Variants in AP3D1 observed in about 807,000 individuals in gnomAD.
The protein encoded by AP3D1 is adaptor related protein complex 3 subunit delta 1.
A neutral mutation model predicts 147.6 loss-of-function variants in AP3D1; 51 were observed. The ratio of observed to expected loss-of-function variants is 0.35; its 90% confidence interval spans 0.28 to 0.44. AP3D1 has a LOEUF of 0.44. Among genes scored for constraint, AP3D1 ranks in the 20% least tolerant of loss-of-function variants. The pLI, the probability that AP3D1 is intolerant of heterozygous loss-of-function variation, is 1.00. For missense variants in AP3D1, 1,421 were observed against 1,624.2 expected (o/e 0.87, Z 2.15); for synonymous variants, 760 against 663.0 (o/e 1.15, Z -2.25).
At chr19:2,164,336 C>T (rs1225724950) in intron 1 of AP3D1, 10 of 1,075,192 alleles carry the variant, frequency 9.3e-6, no homozygotes, top group East Asian at 3.4e-5. Context: ...ACACCCCAAA[C>T]CCCCCCAAGC....
chr19:2,107,202 G>A (rs2018134227), intron 31 of AP3D1, among the ~76,000 whole-genome samples: 1 of 151,712 alleles, frequency 6.6e-6, no homozygotes, highest in African/African-American at 2.4e-5. Context: ...GGAGCTTGCA[G>A]TGAGCCGAGA....
chr19:2,109,438 C>T (rs1241935815), intron 29 of AP3D1: 1 of 552,520 alleles, frequency 1.8e-6, no homozygotes, highest in Non-Finnish European at 3.1e-6. Context: ...GTGCCTGAAG[C>T]CATGGGATGG....
intron 31 of AP3D1, among the ~76,000 whole-genome samples, chr19:2,106,002 C>T (rs2018101305): frequency 6.6e-6 from 1 of 152,056 alleles, no homozygotes; most frequent in Non-Finnish European, 1.5e-5. Context: ...GAGGCTGAGG[C>T]AGGAGAATCG....
chr19:2,111,203 G>A, intron 26 of AP3D1, 82 bp downstream of exon 26: 3 of 1,540,424 alleles, frequency 1.9e-6, no homozygotes, highest in Non-Finnish European at 2.7e-6. Context: ...CGGGAGCTGT[G>A]GGGGCTGCCC....
chr19:2,111,086 C>T, intron 26 of AP3D1, 190 bp from the exon 27 acceptor site: 1 of 915,920 alleles, frequency 1.1e-6, no homozygotes, highest in Non-Finnish European at 1.6e-6. Context: ...CGGGGACCCT[C>T]CTGCCAGTCC....
intron 31 of AP3D1, among the ~76,000 whole-genome samples, chr19:2,105,639 T>C (rs2018089555): frequency 6.6e-6 from 1 of 152,190 alleles, no homozygotes; most frequent in African/African-American, 2.4e-5. Flanking sequence ...GTGAGATCCC[T>C]GATTTCCCAC....
At chr19:2,152,021 C>T (rs2019543147), upstream of AP3D1, among the ~76,000 whole-genome samples, 1 of 152,204 alleles carries the variant, frequency 6.6e-6, no homozygotes, top group Admixed American at 6.5e-5. Context: ...TCCTGTGGTT[C>T]CCGCAGCCTC....
At chr19:2,140,827 C>T (rs1234220024) in intron 1 of AP3D1, among the ~76,000 whole-genome samples, 2 of 144,250 alleles carry the variant, frequency 1.4e-5, no homozygotes, top group Admixed American at 1.5e-4. Context: ...GGCACAATCT[C>T]GGCTCACTGC....
chr19:2,151,731 CCCG>C (rs2019524241), upstream of AP3D1, among the ~76,000 whole-genome samples: 2 of 152,248 alleles, frequency 1.3e-5, no homozygotes, highest in Non-Finnish European at 2.9e-5. Flanking sequence ...TGCGCGCGGC[CCCG>C]CCTTTTCCGG....
At chr19:2,109,549 G>C (rs2018206256) in intron 29 of AP3D1, 1 of 487,354 alleles carries the variant, frequency 2.1e-6, no homozygotes, top group South Asian at 2.7e-5. Context: ...CAGGGGGGAG[G>C]GGGTGCCGCA....
chr19:2,123,208 A>T, intron 11 of AP3D1, 150 bp downstream of exon 11: 1 of 807,568 alleles, frequency 1.2e-6, no homozygotes, highest in Non-Finnish European at 2.0e-6. Context: ...GGGCACTGGC[A>T]GAGGGCTGCC....
chr19:2,149,612 C>T (rs1171608980), intron 1 of AP3D1, among the ~76,000 whole-genome samples: 6 of 151,786 alleles, frequency 4.0e-5, no homozygotes, highest in Non-Finnish European at 7.4e-5. Context: ...GGGGAAGGCG[C>T]TATCAACTCA....
intron 20 of AP3D1, 138 bp from the exon 21 acceptor site, chr19:2,114,959 C>T (rs572194751): frequency 7.1e-6 from 7 of 988,614 alleles, no homozygotes; most frequent in Admixed American, 4.1e-5. Context: ...CCAGAGGCTC[C>T]GCTCAGCGTC....
In AP3D1 at chr19:2,151,455, C is replaced by G. The variant is rs1368443062; in HGVS notation, c.-121G>C. 3.8e-6 allele frequency: 2 copies of G among 531,440 alleles called. No individual in the cohort carries two copies. The highest frequency in any genetic ancestry group is 6.1e-5 in the Admixed American group (1 of 16,342). The allele number at this position is 531,440 out of a possible 1,614,324, so 32.9% of individuals were successfully genotyped here. A position where few individuals can be genotyped will look rare whatever the true frequency, so the allele number is the denominator to read the frequency against. ...GCCGGCCGCTGCGGCGGGGCAAGCTCCCAGGCCAGGGCGGCGGCGGGGTCC... is the reference window on the plus strand; with the variant it reads ...GCCGGCCGCTGCGGCGGGGCAAGCTGCCAGGCCAGGGCGGCGGCGGGGTCC... On this transcript the variant is annotated 5_prime_UTR_variant, in exon 1 of 32. Transcript: ENST00000643116.
At chr19:2,111,064 T>G in intron 26 of AP3D1, 168 bp from the exon 27 acceptor site, 1 of 920,612 alleles carries the variant, frequency 1.1e-6, no homozygotes, top group Non-Finnish European at 1.6e-6. Context: ...TGGCTGCTCT[T>G]TGAGTGCATG....
chr19:2,138,534 A>T lies in AP3D1; in HGVS notation c.192+85T>A, dbSNP rs2019135590. On this transcript the variant is annotated intron_variant, in intron 2 of 31. Coordinates refer to ENST00000643116, the MANE Select transcript of AP3D1 (RefSeq NM_001261826.3). ...GGTGGTACCAATGACTGACAGGTGGACAGACAGGCTGATGAATAGGGGACA... is the reference window on the plus strand; with the variant it reads ...GGTGGTACCAATGACTGACAGGTGGTCAGACAGGCTGATGAATAGGGGACA... 8 of 1,049,510 alleles carry T rather than the reference A, an allele frequency of 7.6e-6. No homozygotes were observed. In the South Asian group the frequency reaches 1.0e-4, roughly 13 times the overall value. 65.0% of individuals were successfully genotyped at this position (1,049,510 alleles called of 1,614,324 possible). A position where few individuals can be genotyped will look rare whatever the true frequency, so the allele number is the denominator to read the frequency against.
upstream of AP3D1, among the ~76,000 whole-genome samples, chr19:2,151,964 G>A (rs1014653624): frequency 6.6e-6 from 1 of 152,206 alleles, no homozygotes; most frequent in African/African-American, 2.4e-5. Context: ...TAGCTGACGC[G>A]GCCTGAGAGC....
chr19:2,143,909 G>C (rs925442191), intron 1 of AP3D1, among the ~76,000 whole-genome samples: 8 of 152,066 alleles, frequency 5.3e-5, no homozygotes, highest in Non-Finnish European at 1.0e-4. Flanking sequence ...CCAACGTGGA[G>C]AAACCCCATC....
intron 1 of AP3D1, among the ~76,000 whole-genome samples, chr19:2,139,119 G>A (rs1295967335): frequency 4.0e-5 from 6 of 149,782 alleles, no homozygotes; most frequent in Admixed American, 2.7e-4. Context: ...AGAGCACACC[G>A]TGTAATCCAT....
Sources: gnomAD v4.1 joint callset for allele counts (sites outside exome capture counted in the v4.1 genomes callset) on GRCh38, gnomAD v4.1.1 for gene constraint, MANE v1.5 for transcripts, NCBI Gene and HGNC (gene_info 2026-07-23, HGNC 2026-07-21) for gene names.